SCN8A: variants seen among roughly 807,000 people sequenced by gnomAD.
The protein encoded by SCN8A is sodium voltage-gated channel alpha subunit 8, also known as sodium channel protein type 8 subunit alpha.
In SCN8A, 30 loss-of-function variants were observed where a neutral mutation model predicts 184.1. The observed-to-expected ratio is 0.16, with a 90% CI of 0.12 to 0.22. The LOEUF is 0.22. Among genes scored for constraint, SCN8A ranks in the 10% least tolerant of loss-of-function variants. SCN8A has a pLI of 1.00. For synonymous variants in SCN8A, 852 were observed against 907.0 expected (o/e 0.94, Z 1.09); for missense variants, 1,057 against 2,498.9 (o/e 0.42, Z 12.30).
chr12:51,637,267 C>A (rs1014134032), intron 1 of SCN8A, among the ~76,000 whole-genome samples: 1 of 152,174 alleles, frequency 6.6e-6, no homozygotes, highest in East Asian at 1.9e-4. Flanking sequence ...TGAAATTAGG[C>A]CAACTAATAG....
intron 12 of SCN8A, among the ~76,000 whole-genome samples, chr12:51,726,450 A>C (rs1011800920): frequency 6.6e-5 from 10 of 152,258 alleles, no homozygotes; most frequent in Non-Finnish European, 1.5e-4. Flanking sequence ...AACTTGTCCA[A>C]GATGGCACAG....
chr12:51,697,267 C>T (rs1219448382), intron 6 of SCN8A, among the ~76,000 whole-genome samples: 1 of 152,164 alleles, frequency 6.6e-6, no homozygotes, highest in East Asian at 1.9e-4. Flanking sequence ...AAGCACAGGA[C>T]TCTGCATCCT....
At chr12:51,679,878 A>T (rs1941298884) in intron 2 of SCN8A, among the ~76,000 whole-genome samples, 1 of 151,924 alleles carries the variant, frequency 6.6e-6, no homozygotes, top group Non-Finnish European at 1.5e-5. Context: ...GGCACATGCC[A>T]CCATGTCGGG....
At chr12:51,648,216 G>A (rs1294784230) in intron 1 of SCN8A, among the ~76,000 whole-genome samples, 1 of 152,180 alleles carries the variant, frequency 6.6e-6, no homozygotes, top group Non-Finnish European at 1.5e-5. Flanking sequence ...AAAAGATAGA[G>A]TCTCACTATG....
At chr12:51,803,278 G>A (rs1938605895) in intron 26 of SCN8A, among the ~76,000 whole-genome samples, 1 of 152,090 alleles carries the variant, frequency 6.6e-6, no homozygotes, top group Non-Finnish European at 1.5e-5. Flanking sequence ...TCCAGCGCGG[G>A]AGGAGATGAA....
intron 6 of SCN8A, 198 bp downstream of exon 6, chr12:51,689,294 C>G (rs1941468973): frequency 1.8e-6 from 1 of 569,186 alleles, no homozygotes; most frequent in Non-Finnish European, 3.1e-6. Flanking sequence ...GCATGCAGCC[C>G]CCATTCCATC....
chr12:51,663,213 A>G, intron 2 of SCN8A, 120 bp downstream of exon 2: 1 of 1,194,262 alleles, frequency 8.4e-7, no homozygotes, highest in Non-Finnish European at 1.2e-6. Context: ...CTTTTGTTTC[A>G]GTTCTGGCTT....
At chr12:51,731,295 T>C (rs2138800666) in intron 12 of SCN8A, among the ~76,000 whole-genome samples, 2 of 152,194 alleles carry the variant, frequency 1.3e-5, no homozygotes, top group Middle Eastern at 6.8e-3. Flanking sequence ...TGGAGTGCAA[T>C]GGCACAATCT....
chr12:51,801,319 C>G (rs1403955781), intron 26 of SCN8A, among the ~76,000 whole-genome samples: 1 of 152,190 alleles, frequency 6.6e-6, no homozygotes, highest in Non-Finnish European at 1.5e-5. Context: ...ACTGTAAGAT[C>G]TGGCATACAG....
intron 14 of SCN8A, among the ~76,000 whole-genome samples, chr12:51,761,818 G>A (rs1237404852): frequency 6.6e-6 from 1 of 151,982 alleles, no homozygotes; most frequent in East Asian, 1.9e-4. Context: ...GGCAGTAAGA[G>A]TGAGAGTTGG....
At chr12:51,768,294 T>C (rs1362676748) in intron 16 of SCN8A, 2 of 152,210 alleles carry the variant, frequency 1.3e-5, no homozygotes, top group South Asian at 2.1e-4. Context: ...CAAAAAAATA[T>C]AAAAGTCACC....
Position 51,701,154 on chromosome 12 carries a change from C to T in SCN8A, c.939C>T (p.Tyr313=). ...EEYINNKTNF[Y]TVPGMLEPLL... ...TTCAAACTTTTCTAGCAAATTTCTA[C>T]ACAGTTCCTGGCATGCTGGAACCTT... is the stretch of plus-strand genomic sequence containing the variant. The change falls in exon 8 of 27, where the codon TAC becomes TAT. Residue 313 remains tyrosine (Y), a synonymous_variant. Coordinates refer to ENST00000627620, the MANE Select transcript of SCN8A (RefSeq NM_001330260.2). The T allele has an allele frequency of 1.9e-6, 3 of 1,612,878 alleles. No homozygotes were observed. Among genetic ancestry groups the T allele is most frequent in the Non-Finnish European group, 2.5e-6 (3 of 1,179,122 alleles).
intron 1 of SCN8A, among the ~76,000 whole-genome samples, chr12:51,611,262 C>T (rs549785006): frequency 4.6e-5 from 7 of 151,370 alleles, no homozygotes; most frequent in Admixed American, 2.0e-4. Flanking sequence ...CCCAGGTTCA[C>T]GCCATTCTCC....
At chr12:51,619,973 A>T (rs1363210028) in intron 1 of SCN8A, among the ~76,000 whole-genome samples, 5 of 152,214 alleles carry the variant, frequency 3.3e-5, no homozygotes. Flanking sequence ...TGATGTACTG[A>T]TGGTGGAATA....
intron 1 of SCN8A, among the ~76,000 whole-genome samples, chr12:51,600,090 T>G (rs949855013): frequency 3.3e-5 from 5 of 152,232 alleles, no homozygotes; most frequent in African/African-American, 1.2e-4. Flanking sequence ...TTTCTTGAGC[T>G]TTTAATGTTA....
intron 5 of SCN8A, 126 bp downstream of exon 5, chr12:51,687,345 T>A: frequency 1.9e-6 from 2 of 1,073,058 alleles, no homozygotes; most frequent in Non-Finnish European, 2.7e-6. Context: ...GATAACCATG[T>A]AAGGCCCTGT....
At chr12:51,765,521 G>A (rs1391168070) in intron 15 of SCN8A, 150 bp from the exon 16 acceptor site, 1 of 547,936 alleles carries the variant, frequency 1.8e-6, no homozygotes, top group African/African-American at 1.9e-5. Flanking sequence ...CATTTAGTCT[G>A]AGACACTGTT....
intron 2 of SCN8A, among the ~76,000 whole-genome samples, chr12:51,680,418 G>A (rs1279478803): frequency 1.3e-5 from 2 of 152,184 alleles, no homozygotes; most frequent in African/African-American, 4.8e-5. Context: ...GCTCATGACT[G>A]ATCCTAATTC....
chr12:51,634,386 C>T (rs1003289315), intron 1 of SCN8A, among the ~76,000 whole-genome samples: 1 of 152,040 alleles, frequency 6.6e-6, no homozygotes, highest in African/African-American at 2.4e-5. Flanking sequence ...ACAGGGGCGT[C>T]CATTGTGTCT....
Sources: allele counts gnomAD v4.1 joint callset (sites outside exome capture counted in the v4.1 genomes callset), GRCh38; gene constraint gnomAD v4.1.1; transcripts MANE v1.5; gene names NCBI Gene and HGNC (gene_info 2026-07-23, HGNC 2026-07-21).